Variants in VSX1 observed in about 807,000 individuals in gnomAD.
VSX1 encodes homeodomain protein RINX.
Under a neutral mutation model 23.6 loss-of-function variants are expected in VSX1, and 23 were observed. That is an observed-to-expected ratio of 0.97 (90% CI 0.70 to 1.38). VSX1 has a LOEUF of 1.38. Ranked by LOEUF, VSX1 falls within the 40% of genes most tolerant of loss-of-function variation. The probability of loss-of-function intolerance (pLI) is 0.00; values close to 1 mark genes in which losing one functional copy is unlikely to be tolerated. For missense variants in VSX1, 517 were observed against 495.4 expected (o/e 1.04, Z -0.41); for synonymous variants, 247 against 215.1 (o/e 1.15, Z -1.30).
Position 25,078,913 on chromosome 20 carries a change from C to A in VSX1, c.543G>T (p.Lys181Asn). Reference protein sequence around the residue: ...FTAHQLEELEKAFSEAHYPDV... With the variant: ...FTAHQLEELENAFSEAHYPDV... ...CAGGGTAGTGGGCCTCGCTGAATGC[C>A]TTCTCCAACTCTTCCAGCTGGTGAG... Residue 181 changes from lysine to asparagine, a missense_variant, in exon 3 of 5, where the codon AAG becomes AAT. Transcript: ENST00000376709. 1 of 1,614,180 alleles carries A rather than the reference C, an allele frequency of 6.2e-7. No homozygotes were observed. The highest frequency in any genetic ancestry group is 8.5e-7 in the Non-Finnish European group (1 of 1,180,038).
chr20:25,077,513 A>G (rs181528172), intron 4 of VSX1, among the ~76,000 whole-genome samples, 172 bp downstream of exon 4: 127 of 152,354 alleles, frequency 8.3e-4, no homozygotes, highest in African/African-American at 2.7e-3. Flanking sequence ...GCAACCATCC[A>G]GTTGCTGCAA....
intron 3 of VSX1, 200 bp downstream of exon 3, chr20:25,078,629 T>A (rs2089563496): frequency 3.3e-6 from 5 of 1,504,600 alleles, no homozygotes; most frequent in South Asian, 2.8e-5. Context: ...AATGATTTGA[T>A]ACTAAATAAT....
chr20:25,073,934 G>A (rs2089435147), downstream of VSX1, among the ~76,000 whole-genome samples: 1 of 152,148 alleles, frequency 6.6e-6, no homozygotes, highest in South Asian at 2.1e-4. Context: ...GACACACCGA[G>A]CCCTGCTCTT....
At chr20:25,079,641 A>G (rs755860617) in intron 1 of VSX1, 127 bp from the exon 2 acceptor site, 17 of 864,498 alleles carry the variant, frequency 2.0e-5, no homozygotes, top group Non-Finnish European at 3.1e-5. Context: ...ATGAGCCAGC[A>G]TTTTTAGTGC....
chr20:25,078,564 T>A, intron 3 of VSX1: 1 of 1,330,198 alleles, frequency 7.5e-7, no homozygotes, highest in East Asian at 2.9e-5. Flanking sequence ...TTTTTTTTCA[T>A]TGACATATCT....
Position 25,076,431 on chromosome 20 carries a change from T to G in VSX1, c.928A>C (p.Arg310=). ...GSSQSESGSQ[R]GSDKVSPENG... ...TCAGGGCTCACTTTATCTGAGCCTC[T>G]CTGTGATCCTGACTCACTCTGGCTA... Residue 310 remains arginine, a synonymous_variant, in exon 5 of 5, where the codon AGA becomes CGA. Coordinates refer to ENST00000376709, the MANE Select transcript of VSX1 (RefSeq NM_014588.6). The G allele has an allele frequency of 6.2e-7, 1 of 1,614,212 alleles. No homozygotes were observed. The highest frequency in any genetic ancestry group is 8.5e-7 in the Non-Finnish European group (1 of 1,180,036).
downstream of VSX1, among the ~76,000 whole-genome samples, chr20:25,074,027 A>G (rs1376780926): frequency 6.6e-6 from 1 of 152,078 alleles, no homozygotes; most frequent in Non-Finnish European, 1.5e-5. Flanking sequence ...TCCATGATTT[A>G]TTTTGTTTGT....
At chr20:25,074,867 C>G (rs1568861992), downstream of VSX1, among the ~76,000 whole-genome samples, 1 of 152,136 alleles carries the variant, frequency 6.6e-6, no homozygotes, top group Admixed American at 6.5e-5. Context: ...AGCCTGGAGC[C>G]AGGGCTGCTG....
At chr20:25,077,200 C>T (rs1488028213) in intron 4 of VSX1, among the ~76,000 whole-genome samples, 1 of 152,070 alleles carries the variant, frequency 6.6e-6, no homozygotes, top group East Asian at 1.9e-4. Context: ...TCTTTGAGCA[C>T]CAAAAATCTA....
chr20:25,074,061 TGATA>T (rs1294818791), downstream of VSX1, among the ~76,000 whole-genome samples: 1 of 152,256 alleles, frequency 6.6e-6, no homozygotes, highest in Non-Finnish European at 1.5e-5. Flanking sequence ...AAAATGATAA[TGATA>T]AACTTTCTCG....
chr20:25,081,032 T>G (rs985041986), intron 1 of VSX1, among the ~76,000 whole-genome samples: 6 of 152,258 alleles, frequency 3.9e-5, no homozygotes, highest in Non-Finnish European at 7.3e-5. Context: ...CTGGATTTCT[T>G]TGGGGAAATG....
downstream of VSX1, among the ~76,000 whole-genome samples, chr20:25,073,854 G>A (rs1274061038): frequency 3.9e-5 from 6 of 152,178 alleles, no homozygotes; most frequent in Non-Finnish European, 8.8e-5. Flanking sequence ...ACAGGACAGC[G>A]GTGGTCCTCT....
At position 25,081,933 on chromosome 20, in the gene VSX1, C is replaced by A; in HGVS notation, c.164G>T (p.Cys55Phe). The A allele has an allele frequency of 6.5e-7, 1 of 1,531,892 alleles. No homozygotes were observed. The highest frequency in any genetic ancestry group is 8.7e-7 in the Non-Finnish European group (1 of 1,145,622). The allele number at this position is 1,531,892 out of a possible 1,614,324, so 94.9% of individuals were successfully genotyped here. A position where few individuals can be genotyped will look rare whatever the true frequency, so the allele number is the denominator to read the frequency against. Residue 55 changes from cysteine (C) to phenylalanine (F), a missense_variant, in exon 1 of 5, where the codon TGC becomes TTC. By Grantham distance (205) the Cys-to-Phe change is radical. Coordinates refer to ENST00000376709, the MANE Select transcript of VSX1 (RefSeq NM_014588.6). ...GCACGGCGCGACTGCCGGACCCTCG[C>A]AGCCAGATCCCTGTCCTGGGCCAGC... is the stretch of plus-strand genomic sequence containing the variant. ...APAGPGQGSG[C>F]EGPAVAPCPG...
chr20:25,081,349 G>C (rs1179490381), intron 1 of VSX1: 1 of 614,376 alleles, frequency 1.6e-6, no homozygotes, highest in Admixed American at 1.9e-5. Flanking sequence ...CTGGCGCCTG[G>C]CGCTGGGGGG....
At position 25,082,091 on chromosome 20, in the gene VSX1, G is replaced by C. The variant is rs777883794; in HGVS notation, c.6C>G (p.Thr2=). 6.5e-7 allele frequency: 1 copy of C among 1,537,522 alleles called. No individual in the cohort carries two copies. The highest frequency in any genetic ancestry group is 8.7e-7 in the Non-Finnish European group (1 of 1,147,766). The stretch of plus-strand genomic sequence containing the variant: ...GCCCGTCGGAAAGCGAGTCCCGGCC[G>C]GTCATGGTTCCTTAGCAAGCAAGGC... M[T]GRDSLSDGRT... The change falls in exon 1 of 5, where the codon ACC becomes ACG. Residue 2 remains threonine, a synonymous_variant. Transcript: ENST00000376709.
intron 3 of VSX1, 98 bp downstream of exon 3, chr20:25,078,731 G>A: frequency 6.2e-7 from 1 of 1,614,068 alleles, no homozygotes; most frequent in South Asian, 1.1e-5. Flanking sequence ...AAGGGAGCGT[G>A]TTGGCTATAG....
chr20:25,075,230 C>T (rs1029323659), downstream of VSX1, among the ~76,000 whole-genome samples: 3 of 152,198 alleles, frequency 2.0e-5, no homozygotes, highest in African/African-American at 4.8e-5. Context: ...TCAGGAAGCA[C>T]CATATTTTCC....
intron 3 of VSX1, 52 bp from the exon 4 acceptor site, chr20:25,077,917 G>C (rs1479858040): frequency 7.1e-6 from 11 of 1,544,210 alleles, no homozygotes; most frequent in Admixed American, 5.9e-5. Context: ...AGTGAAGAGG[G>C]GCGCCTGGAG....
rs767409772 is a variant in VSX1 at position 25,081,808 on chromosome 20, G to T, written c.289C>A (p.Arg97=). ...TCCGCTAGGAGCAGGCAGGGTGCTC[G>T]AGCGGCCGCCGGCGGCTGCGTGCCG... ...GFGTQPPAAA[R]APCLLLADVP... is the part of the protein sequence containing the mutation. The change falls in exon 1 of 5, where the codon CGA becomes AGA. Residue 97 remains arginine (R), a synonymous_variant. Transcript: ENST00000376709. 3 of 1,502,974 alleles carry T rather than the reference G, an allele frequency of 2.0e-6. No homozygotes were observed. Among genetic ancestry groups the T allele is most frequent in the Non-Finnish European group, 1.8e-6 (2 of 1,134,908 alleles). The allele number at this position is 1,502,974 out of a possible 1,614,324, so 93.1% of individuals were successfully genotyped here.
Sources: allele counts gnomAD v4.1 joint callset (sites outside exome capture counted in the v4.1 genomes callset), GRCh38; gene constraint gnomAD v4.1.1; transcripts MANE v1.5; gene names NCBI Gene and HGNC (gene_info 2026-07-23, HGNC 2026-07-21).